The following CAST variants were observed in gnomAD, a reference collection of about 807,000 sequenced individuals.
CAST encodes MIR583 host.
Under a neutral mutation model 119.6 loss-of-function variants are expected in CAST, and 76 were observed. The ratio of observed to expected loss-of-function variants is 0.64; its 90% CI spans 0.53 to 0.77. The LOEUF (loss-of-function observed/expected upper bound fraction) is 0.77. CAST is among the 30% of genes least tolerant of loss of function. The probability of loss-of-function intolerance (pLI) is 0.00; values close to 1 mark genes in which losing one functional copy is unlikely to be tolerated. For missense variants in CAST, 953 were observed against 946.5 expected, an observed-to-expected ratio of 1.01 and a Z score of -0.09; for synonymous variants, 319 against 331.6, an observed-to-expected ratio of 0.96 and a Z score of 0.41.
At chr5:96,519,478 G>C in the CAST span, among the ~76,000 whole-genome samples, 2 of 152,218 alleles carry the variant, frequency 1.3e-5, no homozygotes, top group Non-Finnish European at 2.9e-5. Flanking sequence ...GATGCTGTCA[G>C]TTGTGTAATT....
chr5:96,308,415 T>C, the CAST span, among the ~76,000 whole-genome samples: 2 of 151,930 alleles, frequency 1.3e-5, 1 homozygote, highest in Admixed American at 1.3e-4. Flanking sequence ...CCTTTAGCTC[T>C]GGGGAATTGT....
chr5:96,301,512 C>T, the CAST span, among the ~76,000 whole-genome samples: 1 of 152,114 alleles, frequency 6.6e-6, no homozygotes, highest in Non-Finnish European at 1.5e-5. Flanking sequence ...TGAAACAAGG[C>T]AAGTCTCTTC....
intron 1 of CAST, among the ~76,000 whole-genome samples, chr5:96,601,666 C>T (rs1481706924): frequency 6.6e-6 from 1 of 151,906 alleles, no homozygotes; most frequent in Non-Finnish European, 1.5e-5. Flanking sequence ...TCTTTCTACT[C>T]GATTGGTTTT....
intron 1 of CAST, among the ~76,000 whole-genome samples, chr5:96,600,289 C>G (rs992816559): frequency 2.0e-5 from 3 of 152,096 alleles, no homozygotes; most frequent in African/African-American, 4.8e-5. Context: ...TGCATTGCAC[C>G]ACATGGTCCT....
chr5:96,347,992 A>G, the CAST span, among the ~76,000 whole-genome samples: 1 of 152,196 alleles, frequency 6.6e-6, no homozygotes, highest in Non-Finnish European at 1.5e-5. Context: ...TATTGCCTAC[A>G]AATAAGACAG....
At chr5:96,147,425 A>T in the CAST span, among the ~76,000 whole-genome samples, 1 of 152,114 alleles carries the variant, frequency 6.6e-6, no homozygotes, top group Non-Finnish European at 1.5e-5. Flanking sequence ...TGACAGGGTG[A>T]AACCCCGTCT....
chr5:96,449,908 T>C, the CAST span, among the ~76,000 whole-genome samples: 2 of 152,334 alleles, frequency 1.3e-5, no homozygotes, highest in South Asian at 4.1e-4. Flanking sequence ...TCTCCTGCCA[T>C]CTTGGTATTT....
At chr5:96,460,287 C>T in the CAST span, among the ~76,000 whole-genome samples, 3 of 151,904 alleles carry the variant, frequency 2.0e-5, no homozygotes, top group East Asian at 5.8e-4. Context: ...AGAACATGGA[C>T]ACAGAGAGAA....
At chr5:96,254,558 C>T in the CAST span, among the ~76,000 whole-genome samples, 1 of 152,060 alleles carries the variant, frequency 6.6e-6, no homozygotes, top group Admixed American at 6.6e-5. Context: ...TTCCTACTTC[C>T]ATGTCTACAT....
At chr5:96,302,469 C>CATTTGCAG in the CAST span, among the ~76,000 whole-genome samples, 1 of 152,104 alleles carries the variant, frequency 6.6e-6, no homozygotes, top group Non-Finnish European at 1.5e-5. Flanking sequence ...TTCTTTTCTA[C>CATTTGCAG]CACATAGGCA....
chr5:96,177,486 C>T, the CAST span, among the ~76,000 whole-genome samples: 1 of 152,100 alleles, frequency 6.6e-6, no homozygotes, highest in Non-Finnish European at 1.5e-5. Flanking sequence ...AGAGACTCTG[C>T]CAGGATCAAC....
At chr5:96,752,396 G>A (rs1024247159) in intron 20 of CAST, among the ~76,000 whole-genome samples, 1 of 152,122 alleles carries the variant, frequency 6.6e-6, no homozygotes, top group Non-Finnish European at 1.5e-5. Flanking sequence ...GAATTGTAGT[G>A]TGAGCAGGTG....
At chr5:96,761,053 G>A (rs1055238091) in intron 24 of CAST, 12 of 152,168 alleles carry the variant, frequency 7.9e-5, no homozygotes, top group African/African-American at 2.9e-4. Flanking sequence ...TGAAAAAATT[G>A]AGAAATGGAC....
the CAST span, among the ~76,000 whole-genome samples, chr5:96,095,595 T>G: frequency 1.4e-5 from 2 of 143,646 alleles, no homozygotes; most frequent in African/African-American, 5.1e-5. Context: ...AAAGACCTAT[T>G]ATATGAAAGG....
chr5:96,237,223 A>G, the CAST span, among the ~76,000 whole-genome samples: 1 of 152,158 alleles, frequency 6.6e-6, no homozygotes, highest in African/African-American at 2.4e-5. Flanking sequence ...AAAGAGGCTA[A>G]TTCTGCAAGG....
chr5:96,661,325 T>TGA (rs1370389106), upstream of CAST, among the ~76,000 whole-genome samples: 2 of 138,734 alleles, frequency 1.4e-5, no homozygotes, highest in African/African-American at 5.5e-5. Flanking sequence ...CTTAGGAGAC[T>TGA]GAGGCAGGAG....
chr5:96,597,724 C>T (rs1348036132), intron 1 of CAST, among the ~76,000 whole-genome samples: 2 of 152,268 alleles, frequency 1.3e-5, no homozygotes, highest in Non-Finnish European at 2.9e-5. Context: ...TTCTTTCCTA[C>T]CAAATAATTA....
the CAST span, among the ~76,000 whole-genome samples, chr5:96,251,409 C>T: frequency 1.3e-5 from 2 of 152,076 alleles, no homozygotes; most frequent in Admixed American, 1.3e-4. Flanking sequence ...AGCATAGCAC[C>T]TACAAGTTGA....
At chr5:95,988,668 G>A in the CAST span, among the ~76,000 whole-genome samples, 1 of 152,124 alleles carries the variant, frequency 6.6e-6, no homozygotes, top group Non-Finnish European at 1.5e-5. Context: ...ACTGATGTTG[G>A]ATGGGTTTCT....
Sources: allele counts gnomAD v4.1 joint callset (sites outside exome capture counted in the v4.1 genomes callset), GRCh38; gene constraint gnomAD v4.1.1; transcripts MANE v1.5; gene names NCBI Gene and HGNC (gene_info 2026-07-23, HGNC 2026-07-21).